CDH4: variants seen among roughly 807,000 people sequenced by gnomAD.
CDH4 encodes the protein cadherin-4.
In CDH4, 33 loss-of-function variants were observed where a neutral mutation model predicts 86.0. The observed-to-expected ratio is 0.38, with a 90% CI of 0.29 to 0.51. CDH4 has a LOEUF of 0.51. CDH4 is among the 20% of genes least tolerant of loss of function. The probability of loss-of-function intolerance (pLI) is 0.86; values close to 1 mark genes in which losing one functional copy is unlikely to be tolerated. For synonymous variants in CDH4, 555 were observed against 549.4 expected (o/e 1.01, Z -0.14); for missense variants, 1,114 against 1,307.4 (o/e 0.85, Z 2.28).
chr20:61,559,519 C>CTTTTTTTTTTTTTTTTTT (rs1156864328), intron 2 of CDH4, among the ~76,000 whole-genome samples: 4 of 105,176 alleles, frequency 3.8e-5, no homozygotes, highest in African/African-American at 4.2e-5. Context: ...ATTTTTTTTT[C>CTTTTTTTTTTTTTTTTTT]TTTTTTTTTT....
chr20:61,525,598 G>A (rs2085903986), intron 2 of CDH4, among the ~76,000 whole-genome samples: 1 of 152,202 alleles, frequency 6.6e-6, no homozygotes, highest in Non-Finnish European at 1.5e-5. Context: ...GAGCAGGAGG[G>A]GAAACGGATT....
intron 4 of CDH4, among the ~76,000 whole-genome samples, chr20:61,825,981 G>T (rs929817118): frequency 2.0e-5 from 3 of 152,078 alleles, no homozygotes; most frequent in Admixed American, 2.0e-4. Flanking sequence ...AGAATAGGCC[G>T]CCTCTCCCAC....
In CDH4 at chr20:61,902,337, C is replaced by T. The variant is rs138142828; in HGVS notation, c.1188+7290C>T. Reference sequence around the variant, plus strand: ...GCAGCCTCACTCTGCCCTTCACCAGCCACGGAGACCCGGGGTCTATGGGCA... The same window carrying T: ...GCAGCCTCACTCTGCCCTTCACCAGTCACGGAGACCCGGGGTCTATGGGCA... On this transcript the variant is annotated intron_variant, in intron 8 of 15. Transcript: ENST00000614565. The surrounding 1 kb of genome is among the most constrained non-coding windows in gnomAD (Gnocchi z 4.6). Among the ~76,000 whole-genome samples, 294 of 152,372 alleles carry T rather than the reference C, an allele frequency of 1.9e-3. No individual in the cohort carries two copies. The highest frequency in any genetic ancestry group is 6.7e-3 in the African/African-American group (279 of 41,590).
intron 7 of CDH4, among the ~76,000 whole-genome samples, chr20:61,875,326 G>C (rs1983971750): frequency 6.6e-6 from 1 of 152,228 alleles, no homozygotes; most frequent in South Asian, 2.1e-4. Flanking sequence ...TGGGGGCAGA[G>C]AGGCCAGTTG....
chr20:61,743,889 A>G, intron 3 of CDH4, 100 bp downstream of exon 3: 2 of 874,742 alleles, frequency 2.3e-6, no homozygotes, highest in African/African-American at 1.6e-5. Context: ...CAGGACAGAC[A>G]GTCACCTCCT....
chr20:61,336,669 G>C (rs1038653649), intron 2 of CDH4, among the ~76,000 whole-genome samples: 1 of 152,038 alleles, frequency 6.6e-6, no homozygotes, highest in African/African-American at 2.4e-5. Flanking sequence ...ACTTCTTTTT[G>C]ACCCAAAAAT....
At chr20:61,845,024 G>T (rs1982373160) in intron 5 of CDH4, among the ~76,000 whole-genome samples, 1 of 152,250 alleles carries the variant, frequency 6.6e-6, no homozygotes, top group Non-Finnish European at 1.5e-5. Flanking sequence ...CAGCAGGGTG[G>T]GCCCAGGGTG....
At chr20:61,652,080 G>A (rs2087127373) in intron 2 of CDH4, among the ~76,000 whole-genome samples, 2 of 152,372 alleles carry the variant, frequency 1.3e-5, no homozygotes, top group South Asian at 4.1e-4. Flanking sequence ...TGGTCCCAGG[G>A]AGGAGGAAGA....
intron 2 of CDH4, among the ~76,000 whole-genome samples, chr20:61,500,620 G>A (rs2085694120): frequency 6.6e-6 from 1 of 152,260 alleles, no homozygotes; most frequent in Non-Finnish European, 1.5e-5. Flanking sequence ...AAGACACAGA[G>A]AGGAAAAGAC....
At chr20:61,694,323 G>A (rs1436639530) in intron 2 of CDH4, among the ~76,000 whole-genome samples, 4 of 152,080 alleles carry the variant, frequency 2.6e-5, no homozygotes, top group South Asian at 2.1e-4. Context: ...CCTCCTTTAC[G>A]GAGGAGCTAC....
At chr20:61,660,619 C>T (rs748239935) in intron 2 of CDH4, among the ~76,000 whole-genome samples, 20 of 152,104 alleles carry the variant, frequency 1.3e-4, no homozygotes, top group Non-Finnish European at 2.4e-4. Flanking sequence ...CGGTCGTTCC[C>T]GGCAGGACCT....
chr20:61,854,785 A>G (rs1432830317), intron 6 of CDH4, among the ~76,000 whole-genome samples: 44 of 112,012 alleles, frequency 3.9e-4, no homozygotes, highest in African/African-American at 5.6e-4. Context: ...CCCTTGGTCC[A>G]CCCCCAGGGC....
chr20:61,743,424 G>A (rs556002032), intron 2 of CDH4, 139 bp from the exon 3 acceptor site: 92 of 660,242 alleles, frequency 1.4e-4, no homozygotes, highest in Middle Eastern at 8.2e-4. Context: ...CCACCTTCTC[G>A]GGAGGTGGAG....
In CDH4 at chr20:61,310,564, C is replaced by T. The variant is rs112508288; in HGVS notation, c.169+55627C>T. On this transcript the variant is annotated intron_variant, in intron 2 of 15. Transcript: ENST00000614565. ...GATCTGAGAGGAGGCGGAGCTCAGG[C>T]GGCCATGCTGGCTCTCCAGCTGCCC... is the stretch of plus-strand genomic sequence containing the variant. Among the ~76,000 whole-genome samples the T allele has an allele frequency of 2.0e-3, 312 of 152,298 alleles. 2 individuals are homozygous for T. The highest frequency in any genetic ancestry group is 7.0e-3 in the African/African-American group (290 of 41,574).
chr20:61,575,596 A>G (rs2086377415), intron 2 of CDH4, among the ~76,000 whole-genome samples: 1 of 152,264 alleles, frequency 6.6e-6, no homozygotes, highest in Non-Finnish European at 1.5e-5. Flanking sequence ...GCAACCTGGC[A>G]CACACGCCAT....
chr20:61,762,242 C>G (rs779473690), intron 3 of CDH4, among the ~76,000 whole-genome samples: 46 of 152,238 alleles, frequency 3.0e-4, no homozygotes, highest in Non-Finnish European at 5.1e-4. Context: ...ATGTTGGAAA[C>G]AGAATGAAAT....
chr20:61,621,409 G>C (rs2086776208), intron 2 of CDH4, among the ~76,000 whole-genome samples: 1 of 152,222 alleles, frequency 6.6e-6, no homozygotes, highest in Non-Finnish European at 1.5e-5. Context: ...TGCAAAGCGA[G>C]AACCCAGAAT....
chr20:61,462,414 T>C lies in CDH4; in HGVS notation c.169+207477T>C, dbSNP rs552946771. On this transcript the variant is annotated intron_variant, in intron 2 of 15. Coordinates refer to ENST00000614565, the MANE Select transcript of CDH4 (RefSeq NM_001794.5). The stretch of plus-strand genomic sequence containing the variant: ...GAGGTGTGGAGGAGATTTGTTTATA[T>C]GCAAACGATTTTTAATATGATTACA... Among the ~76,000 whole-genome samples, 132 of 152,338 alleles carry C rather than the reference T, an allele frequency of 8.7e-4. 1 individual carries two copies. The highest frequency in any genetic ancestry group is 3.4e-4 in the Non-Finnish European group (23 of 68,034).
At chr20:61,723,930 G>GTGGGGTGGGTCCCCATGCA (rs11204445) in intron 2 of CDH4, among the ~76,000 whole-genome samples, 1 of 103,292 alleles carries the variant, frequency 9.7e-6, no homozygotes, top group African/African-American at 5.1e-5. Context: ...CATGTGGCAG[G>GTGGGGTGGGTCCCCATGCA]GGGGTAGGTC....
Sources: allele counts gnomAD v4.1 joint callset (sites outside exome capture counted in the v4.1 genomes callset), GRCh38; gene constraint gnomAD v4.1.1; non-coding constraint Gnocchi (gnomAD v3.1); transcripts MANE v1.5; gene names NCBI Gene and HGNC (gene_info 2026-07-23, HGNC 2026-07-21).